The following LIPA variants were observed in gnomAD, a reference collection of about 807,000 sequenced individuals.
The protein encoded by LIPA is lysosomal acid lipase/cholesteryl ester hydrolase.
A neutral mutation model predicts 40.6 loss-of-function variants in LIPA; 26 were observed. That is an observed-to-expected ratio of 0.64 (90% CI 0.47 to 0.89). The LOEUF (loss-of-function observed/expected upper bound fraction) is 0.89, where lower values mean the gene tolerates loss of function less well. LIPA is among the 40% of genes least tolerant of loss of function. The probability of loss-of-function intolerance (pLI) is 0.00; values close to 1 mark genes in which losing one functional copy is unlikely to be tolerated. For synonymous variants in LIPA, 188 were observed against 168.4 expected, an observed-to-expected ratio of 1.12 and a Z score of -0.90; for missense variants, 455 against 479.6, an observed-to-expected ratio of 0.95 and a Z score of 0.48.
chr10:89,352,680 A>T (rs1843965996), intron 2 of LIPA, among the ~76,000 whole-genome samples: 1 of 152,134 alleles, frequency 6.6e-6, no homozygotes, highest in African/African-American at 2.4e-5. Context: ...TGGAAGGAAA[A>T]TAAATCTTGG....
intron 1 of LIPA, among the ~76,000 whole-genome samples, chr10:89,287,994 C>A (rs1253081817): frequency 6.6e-6 from 1 of 152,188 alleles, no homozygotes; most frequent in Non-Finnish European, 1.5e-5. Flanking sequence ...CCCTTCATCC[C>A]AGCCTCTTTT....
At chr10:89,365,447 T>A (rs1041175171) in intron 2 of LIPA, among the ~76,000 whole-genome samples, 2 of 152,226 alleles carry the variant, frequency 1.3e-5, no homozygotes, top group East Asian at 3.8e-4. Context: ...AGAAGCTCTT[T>A]AGTTTAATTA....
chr10:89,358,410 G>A (rs1432889749), intron 2 of LIPA, among the ~76,000 whole-genome samples: 1 of 152,208 alleles, frequency 6.6e-6, no homozygotes, highest in Admixed American at 6.5e-5. Flanking sequence ...GATTTATTAT[G>A]TGATCCACTG....
At chr10:89,409,881 C>T (rs7067930) in intron 2 of LIPA, among the ~76,000 whole-genome samples, 11,282 of 152,186 alleles carry the variant, frequency 0.074, 810 homozygotes, top group African/African-American at 0.18. Context: ...ATTATCTAAA[C>T]GAATATGAGG....
At chr10:89,327,873 A>T in intron 1 of LIPA, 1 of 543,416 alleles carries the variant, frequency 1.8e-6, no homozygotes, top group South Asian at 2.5e-5. Flanking sequence ...ATTTTAAATT[A>T]GTTTCACTTT....
At position 89,225,308 on chromosome 10, in the gene LIPA, GA is replaced by G. The variant is rs546564862; in HGVS notation, c.539-81del. ...AGAAAACACAAAGGCCGTCACTCGC[GA>G]CGCCCTCTCGCGGAGGCCTGAGACC... On this transcript the variant is annotated intron_variant, in intron 5 of 9. Transcript: ENST00000336233. 474 of 1,568,474 alleles carry G rather than the reference GA, an allele frequency of 3.0e-4. 6 individuals are homozygous for G. The South Asian group carries it at 5.0e-3, about 17-fold the overall frequency.
rs113450779 is a variant in LIPA, at chr10:89,223,902, C to G, written c.676-72G>C. ...GTGCATAAGTCTCCGTGACTCACCT[C>G]AGAAGCAGAGACAAGTACCCAATGT... On this transcript the variant is annotated intron_variant, in intron 6 of 9. Coordinates refer to ENST00000336233, the MANE Select transcript of LIPA (RefSeq NM_000235.4). 3.1e-3 allele frequency: 4,682 copies of G among 1,511,654 alleles called. 36 individuals are homozygous for G. Among genetic ancestry groups the G allele is most frequent in the African/African-American group, 0.014 (1,052 of 72,676 alleles). 93.6% of individuals were successfully genotyped at this position (1,511,654 alleles called of 1,614,324 possible).
At chr10:89,384,813 T>A (rs565295672) in intron 2 of LIPA, 3 of 1,306,958 alleles carry the variant, frequency 2.3e-6, no homozygotes, top group Admixed American at 2.3e-5. Flanking sequence ...AATGCAAACT[T>A]AAAGCTGTTG....
intron 2 of LIPA, among the ~76,000 whole-genome samples, chr10:89,411,303 A>C (rs564914144): frequency 6.6e-6 from 1 of 152,150 alleles, no homozygotes; most frequent in Non-Finnish European, 1.5e-5. Context: ...AAAAAAACAC[A>C]ATGGGTATTC....
At chr10:89,402,794 A>G in intron 2 of LIPA, 1 of 1,614,224 alleles carries the variant, frequency 6.2e-7, no homozygotes, top group Non-Finnish European at 8.5e-7. Flanking sequence ...TGGACCCTGA[A>G]AACCCTGAAT....
intron 1 of LIPA, chr10:89,414,394 G>C (rs1445758280): frequency 5.2e-6 from 1 of 193,452 alleles, no homozygotes; most frequent in African/African-American, 2.3e-5. Context: ...GGCAGCATGC[G>C]AACTCAGCGT....
intron 1 of LIPA, among the ~76,000 whole-genome samples, chr10:89,264,393 A>C (rs1855026): frequency 6.6e-6 from 1 of 151,816 alleles, no homozygotes; most frequent in African/African-American, 2.4e-5. Flanking sequence ...CAGCCCTCAG[A>C]GGAGAGGAGA....
chr10:89,316,518 G>T (rs1405118888), intron 1 of LIPA, among the ~76,000 whole-genome samples: 1 of 152,226 alleles, frequency 6.6e-6, no homozygotes, highest in Non-Finnish European at 1.5e-5. Context: ...GAGGCTGGGG[G>T]AGGGGCGCCC....
intron 1 of LIPA, among the ~76,000 whole-genome samples, chr10:89,269,392 G>A (rs1843254073): frequency 6.6e-6 from 1 of 152,040 alleles, no homozygotes; most frequent in South Asian, 2.1e-4. Context: ...TATATCCATG[G>A]TAATTTCACT....
Position 89,213,809 on chromosome 10 carries a change from A to C in LIPA, c.*1019T>G, listed in dbSNP as rs1283154288. The C allele has an allele frequency of 6.6e-6, 1 of 152,236 alleles. No individual in the cohort carries two copies. Among genetic ancestry groups the C allele is most frequent in the Non-Finnish European group, 1.5e-5 (1 of 68,042 alleles). The allele number at this position is 152,236 out of a possible 1,614,324, so 9.4% of individuals were successfully genotyped here. ...ACTTCCCAACATAGGGACGTGAAGC[A>C]GGTGTATTAAAAATAAGGATGCATA... On this transcript the variant is annotated 3_prime_UTR_variant, in exon 10 of 10. Transcript: ENST00000336233.
intron 2 of LIPA, chr10:89,384,496 C>G (rs1270712562): frequency 6.2e-7 from 1 of 1,613,886 alleles, no homozygotes; most frequent in Non-Finnish European, 8.5e-7. Context: ...TGGGAAATCT[C>G]AAGATAAAGC....
intron 3 of LIPA, 97 bp from the exon 4 acceptor site, chr10:89,228,495 A>G: frequency 1.0e-6 from 1 of 969,248 alleles, no homozygotes; most frequent in East Asian, 2.4e-5. Context: ...TCCATAAGCA[A>G]ATAATGAACT....
intron 1 of LIPA, among the ~76,000 whole-genome samples, chr10:89,311,866 A>C (rs979851884): frequency 6.6e-6 from 1 of 152,138 alleles, no homozygotes; most frequent in Non-Finnish European, 1.5e-5. Flanking sequence ...GTGCATGCAT[A>C]TATTTCCAAA....
chr10:89,264,128 C>T (rs990099457), intron 1 of LIPA, among the ~76,000 whole-genome samples: 6 of 152,202 alleles, frequency 3.9e-5, no homozygotes, highest in African/African-American at 1.4e-4. Flanking sequence ...CTGCCCTTCT[C>T]TCCTTCTCAT....
Sources: gnomAD v4.1 joint callset for allele counts (sites outside exome capture counted in the v4.1 genomes callset) on GRCh38, gnomAD v4.1.1 for gene constraint, MANE v1.5 for transcripts, NCBI Gene and HGNC (gene_info 2026-07-23, HGNC 2026-07-21) for gene names.